The following TCF12 variants were observed in gnomAD, a reference collection of about 807,000 sequenced individuals.
TCF12 encodes DNA-binding protein HTF4.
Under a neutral mutation model 86.0 loss-of-function variants are expected in TCF12, and 45 were observed. The observed-to-expected ratio is 0.52, with a 90% CI of 0.41 to 0.67. The LOEUF is 0.67. TCF12 is among the 30% of genes least tolerant of loss of function. The pLI, the probability that TCF12 is intolerant of heterozygous loss-of-function variation, is 0.00. For missense variants in TCF12, 881 were observed against 859.9 expected (o/e 1.02, Z -0.31); for synonymous variants, 330 against 299.6 (o/e 1.10, Z -1.05).
chr15:57,278,735 C>CCCTCCCTCCCCTCTG, intron 19 of TCF12: 1 of 114,862 alleles, frequency 8.7e-6, no homozygotes, highest in East Asian at 3.0e-4. Flanking sequence ...CCTCCCCTCT[C>CCCTCCCTCCCCTCTG]TCTCCCTCCC....
intron 19 of TCF12, among the ~76,000 whole-genome samples, chr15:57,275,861 A>G (rs576135705): frequency 6.6e-6 from 1 of 152,304 alleles, no homozygotes; most frequent in South Asian, 2.1e-4. Flanking sequence ...TTCATCCCAG[A>G]GAAGAGTGGC....
intron 3 of TCF12, among the ~76,000 whole-genome samples, chr15:56,936,602 A>C (rs1016539480): frequency 7.9e-5 from 12 of 152,144 alleles, no homozygotes; most frequent in African/African-American, 2.9e-4. Context: ...TGGAATTTTT[A>C]AAGTTTCAGG....
At chr15:57,256,949 A>G (rs1173262842) in intron 16 of TCF12, among the ~76,000 whole-genome samples, 1 of 152,188 alleles carries the variant, frequency 6.6e-6, no homozygotes, top group African/African-American at 2.4e-5. Flanking sequence ...CATTTAGAAA[A>G]GGGTTTGATA....
chr15:57,255,558 A>C (rs1278060059), intron 16 of TCF12, among the ~76,000 whole-genome samples: 1 of 152,076 alleles, frequency 6.6e-6, no homozygotes, highest in Non-Finnish European at 1.5e-5. Context: ...ATCTCGGCTC[A>C]CTGCAATCTC....
intron 16 of TCF12, among the ~76,000 whole-genome samples, chr15:57,253,850 CTG>C (rs1251021603): frequency 6.6e-6 from 1 of 152,178 alleles, no homozygotes; most frequent in Non-Finnish European, 1.5e-5. Context: ...GAATGTGAAA[CTG>C]TAATTTATAC....
intron 5 of TCF12, among the ~76,000 whole-genome samples, chr15:57,136,079 G>C (rs1421453837): frequency 1.3e-5 from 2 of 152,172 alleles, no homozygotes; most frequent in Non-Finnish European, 2.9e-5. Context: ...ATTAAATTAT[G>C]TGGAAATCTA....
chr15:56,980,402 T>C (rs1365867546), intron 3 of TCF12, among the ~76,000 whole-genome samples: 7 of 152,166 alleles, frequency 4.6e-5, no homozygotes, highest in Non-Finnish European at 1.0e-4. Flanking sequence ...TTCTGTCCTC[T>C]GCCGTGTAAG....
chr15:57,028,507 T>C (rs1430409149), intron 3 of TCF12, among the ~76,000 whole-genome samples: 8 of 152,234 alleles, frequency 5.3e-5, no homozygotes, highest in Non-Finnish European at 1.5e-5. Flanking sequence ...TTCATGTATG[T>C]ATCTTCTTTT....
chr15:57,214,121 G>C (rs1391499106), intron 8 of TCF12: 1 of 152,206 alleles, frequency 6.6e-6, no homozygotes, highest in Non-Finnish European at 1.5e-5. Flanking sequence ...GGAAAGAAAG[G>C]GACAGCCAAG....
At chr15:57,015,786 T>G (rs2065119321) in intron 3 of TCF12, among the ~76,000 whole-genome samples, 1 of 152,244 alleles carries the variant, frequency 6.6e-6, no homozygotes, top group African/African-American at 2.4e-5. Context: ...TGAAGTACTG[T>G]GGGCTTGTGC....
At chr15:57,153,146 A>G (rs368351819) in intron 5 of TCF12, among the ~76,000 whole-genome samples, 6 of 152,222 alleles carry the variant, frequency 3.9e-5, no homozygotes, top group African/African-American at 1.4e-4. Flanking sequence ...AAAATCTGAG[A>G]AAATCCATTC....
At chr15:57,033,886 A>G (rs1401715511) in intron 3 of TCF12, among the ~76,000 whole-genome samples, 2 of 152,168 alleles carry the variant, frequency 1.3e-5, no homozygotes, top group Non-Finnish European at 2.9e-5. Flanking sequence ...TTAGAAATGG[A>G]TATGATGAAT....
chr15:57,233,054 G>A (rs1319297957), intron 11 of TCF12, among the ~76,000 whole-genome samples, 198 bp downstream of exon 11: 1 of 138,260 alleles, frequency 7.2e-6, no homozygotes, highest in Admixed American at 7.4e-5. Flanking sequence ...ATATGTATAT[G>A]TGTTATATAT....
intron 5 of TCF12, among the ~76,000 whole-genome samples, chr15:57,156,423 C>T (rs1024279849): frequency 1.3e-4 from 20 of 152,182 alleles, no homozygotes; most frequent in Admixed American, 2.0e-4. Flanking sequence ...GAAATAGATC[C>T]TCTTGACTCT....
At chr15:57,034,963 G>A (rs1305854003) in intron 3 of TCF12, among the ~76,000 whole-genome samples, 3 of 151,976 alleles carry the variant, frequency 2.0e-5, no homozygotes, top group African/African-American at 4.8e-5. Flanking sequence ...CATTTTCTGG[G>A]TGCCATAGGA....
In TCF12 at chr15:57,286,445, T is replaced by C. The variant is rs2061936668; in HGVS notation, c.*300T>C. The C allele has an allele frequency of 2.8e-6, 1 of 353,230 alleles. No individual in the cohort carries two copies. The highest frequency in any genetic ancestry group is 5.6e-6 in the Non-Finnish European group (1 of 178,898). 21.9% of individuals were successfully genotyped at this position (353,230 alleles called of 1,614,324 possible). On this transcript the variant is annotated 3_prime_UTR_variant, in exon 21 of 21. Transcript: ENST00000333725. The stretch of plus-strand genomic sequence containing the variant: ...CACAATCAGAGACTGTCTCGATCTC[T>C]CCACTCACCGTGGAAGTTGCCTTGT...
At chr15:57,131,191 G>A (rs2052088557) in intron 5 of TCF12, among the ~76,000 whole-genome samples, 1 of 152,074 alleles carries the variant, frequency 6.6e-6, no homozygotes, top group Admixed American at 6.5e-5. Flanking sequence ...GGTCGCACAA[G>A]GTAAACCTGG....
intron 5 of TCF12, among the ~76,000 whole-genome samples, chr15:57,101,007 A>G (rs1014893972): frequency 1.3e-5 from 2 of 152,148 alleles, no homozygotes; most frequent in Non-Finnish European, 2.9e-5. Flanking sequence ...CCATAAAACA[A>G]TTGATTATTT....
intron 12 of TCF12, among the ~76,000 whole-genome samples, chr15:57,235,858 G>GA (rs1224959199): frequency 1.3e-5 from 2 of 152,160 alleles, no homozygotes; most frequent in Admixed American, 1.3e-4. Flanking sequence ...AGGCAGGCAA[G>GA]AATTTGTGAT....
Sources: allele counts gnomAD v4.1 joint callset (sites outside exome capture counted in the v4.1 genomes callset), GRCh38; gene constraint gnomAD v4.1.1; transcripts MANE v1.5; gene names NCBI Gene and HGNC (gene_info 2026-07-23, HGNC 2026-07-21).